Variants in KALRN observed in about 807,000 individuals in gnomAD.
KALRN encodes kalirin RhoGEF kinase, also known as kalirin.
Under a neutral mutation model 353.7 loss-of-function variants are expected in KALRN, and 70 were observed. The ratio of observed to expected loss-of-function variants is 0.20; its 90% CI spans 0.16 to 0.24. The LOEUF (loss-of-function observed/expected upper bound fraction) is 0.24, where lower values mean the gene tolerates loss of function less well. KALRN is among the 10% of genes least tolerant of loss of function. The probability of loss-of-function intolerance (pLI) is 1.00; values close to 1 mark genes in which losing one functional copy is unlikely to be tolerated. For synonymous variants in KALRN, 1,391 were observed against 1,434.8 expected (o/e 0.97, Z 0.69); for missense variants, 2,791 against 3,756.7 (o/e 0.74, Z 6.72).
chr3:124,524,574 C>G (rs538263736), intron 33 of KALRN, among the ~76,000 whole-genome samples: 3 of 152,240 alleles, frequency 2.0e-5, no homozygotes, highest in African/African-American at 7.2e-5. Context: ...AATTAATGTT[C>G]ACTGCAACAC....
intron 2 of KALRN, among the ~76,000 whole-genome samples, chr3:124,230,075 G>A (rs1040216838): frequency 6.6e-6 from 1 of 152,180 alleles, no homozygotes; most frequent in African/African-American, 2.4e-5. Context: ...AATCCTAGAG[G>A]CCACTGAGCA....
chr3:124,109,421 C>G (rs1168753033), intron 1 of KALRN, among the ~76,000 whole-genome samples: 2 of 151,832 alleles, frequency 1.3e-5, no homozygotes, highest in African/African-American at 4.8e-5. Context: ...TTTTTTAGTG[C>G]TAAAATCCCT....
At chr3:124,255,815 T>C (rs1362844747) in intron 3 of KALRN, among the ~76,000 whole-genome samples, 1 of 152,096 alleles carries the variant, frequency 6.6e-6, no homozygotes, top group Non-Finnish European at 1.5e-5. Context: ...TGTAAAAATG[T>C]GAGTAAAAAT....
intron 1 of KALRN, among the ~76,000 whole-genome samples, chr3:124,149,822 A>T (rs1321184284): frequency 6.6e-6 from 1 of 152,254 alleles, no homozygotes; most frequent in Non-Finnish European, 1.5e-5. Flanking sequence ...TTCCTCCAGA[A>T]GAGGTGAAAG....
intron 51 of KALRN, among the ~76,000 whole-genome samples, chr3:124,691,102 G>C (rs1405257029): frequency 6.6e-6 from 1 of 152,190 alleles, no homozygotes; most frequent in African/African-American, 2.4e-5. Flanking sequence ...TAATAGGTTC[G>C]ACCGTGCTGT....
At chr3:124,469,715 C>T (rs767050430) in intron 25 of KALRN, among the ~76,000 whole-genome samples, 16 of 152,110 alleles carry the variant, frequency 1.1e-4, no homozygotes, top group East Asian at 1.9e-4. Context: ...CTCTTTTTCC[C>T]GTTGCCACAA....
chr3:124,516,778 GTTTC>G (rs951237081), intron 33 of KALRN, among the ~76,000 whole-genome samples: 16 of 150,350 alleles, frequency 1.1e-4, no homozygotes, highest in Admixed American at 4.6e-4. Context: ...TCTTTTTTTT[GTTTC>G]TTTCTTTCTT....
chr3:124,678,056 G>A, intron 49 of KALRN, 134 bp from the exon 50 acceptor site: 2 of 874,632 alleles, frequency 2.3e-6, no homozygotes. Context: ...GAGCTGGTGT[G>A]CAGGTTTGGG....
At chr3:124,496,016 C>CATATAT (rs2063798056) in intron 32 of KALRN, among the ~76,000 whole-genome samples, 3 of 30,152 alleles carry the variant, frequency 9.9e-5, no homozygotes, top group African/African-American at 1.8e-4. Flanking sequence ...TATATATACA[C>CATATAT]ACACATATAT....
chr3:124,637,786 A>G (rs2081529699), intron 37 of KALRN, among the ~76,000 whole-genome samples: 1 of 152,216 alleles, frequency 6.6e-6, no homozygotes, highest in South Asian at 2.1e-4. Context: ...AAGTGTGTGG[A>G]TACCTCACCA....
chr3:124,646,785 A>G (rs34833032), intron 37 of KALRN, among the ~76,000 whole-genome samples: 3 of 151,832 alleles, frequency 2.0e-5, no homozygotes, highest in Admixed American at 2.0e-4. Context: ...AATGACGAGT[A>G]TAAACATAAA....
At chr3:124,049,902 C>T (rs2040865023) in intron 1 of KALRN, among the ~76,000 whole-genome samples, 1 of 152,196 alleles carries the variant, frequency 6.6e-6, no homozygotes, top group Non-Finnish European at 1.5e-5. Context: ...TAAGCCCCCA[C>T]CCCTGTTTTG....
chr3:124,258,664 C>T (rs1333397408), intron 3 of KALRN, among the ~76,000 whole-genome samples: 1 of 152,230 alleles, frequency 6.6e-6, no homozygotes, highest in Non-Finnish European at 1.5e-5. Context: ...TCTTGAACAC[C>T]TACTATGTGC....
At chr3:124,473,322 T>G (rs2061122879) in intron 25 of KALRN, among the ~76,000 whole-genome samples, 1 of 152,236 alleles carries the variant, frequency 6.6e-6, no homozygotes, top group Admixed American at 6.5e-5. Flanking sequence ...ATATCGTGTA[T>G]CCTTTAATTC....
rs2063352705 is a variant in KALRN at position 124,721,391 on chromosome 3, CAG to C, written c.*1924_*1925del. 1 of 152,344 alleles carries C rather than the reference CAG, an allele frequency of 6.6e-6. No homozygotes were observed. Among genetic ancestry groups the C allele is most frequent in the Middle Eastern group, 3.4e-3 (1 of 294 alleles). 9.4% of individuals were successfully genotyped at this position (152,344 alleles called of 1,614,324 possible). Reference sequence around the variant, plus strand: ...CCTGGGTCATAAAGCCTCACTCCCTCAGAGGTCTCTCGACTAACCCCTATAGT... The same window carrying C: ...CCTGGGTCATAAAGCCTCACTCCCTCAGGTCTCTCGACTAACCCCTATAGT... On this transcript the variant is annotated 3_prime_UTR_variant, in exon 60 of 60. Transcript: ENST00000682506.
chr3:124,086,821 C>T (rs1394579677), intron 1 of KALRN, among the ~76,000 whole-genome samples: 1 of 152,072 alleles, frequency 6.6e-6, no homozygotes, highest in Non-Finnish European at 1.5e-5. Context: ...TCTCGGGAAC[C>T]CTCCCAGTAT....
intron 10 of KALRN, among the ~76,000 whole-genome samples, chr3:124,349,061 G>T (rs1425151323): frequency 1.3e-5 from 2 of 152,244 alleles, no homozygotes; most frequent in Middle Eastern, 3.4e-3. Context: ...ATATTCAAAA[G>T]GTGGAAGCAA....
intron 14 of KALRN, among the ~76,000 whole-genome samples, chr3:124,419,819 G>A (rs759418683): frequency 6.6e-6 from 1 of 152,258 alleles, no homozygotes; most frequent in Non-Finnish European, 1.5e-5. Flanking sequence ...AATACATTCC[G>A]CTACTTGATG....
intron 34 of KALRN, among the ~76,000 whole-genome samples, chr3:124,597,688 G>A (rs754751272): frequency 5.9e-5 from 9 of 152,132 alleles, no homozygotes; most frequent in Admixed American, 3.3e-4. Context: ...TCCAAATTGA[G>A]ATATGCTGTA....
Sources: gnomAD v4.1 joint callset for allele counts (sites outside exome capture counted in the v4.1 genomes callset) on GRCh38, gnomAD v4.1.1 for gene constraint, MANE v1.5 for transcripts, NCBI Gene and HGNC (gene_info 2026-07-23, HGNC 2026-07-21) for gene names.